MAN2B2: variants seen among roughly 807,000 people sequenced by gnomAD.
MAN2B2 encodes the protein mannosidase alpha class 2B member 2.
MAN2B2 carries 106 observed loss-of-function variants against 117.1 expected under a neutral mutation model. That is an observed-to-expected ratio of 0.90 (90% confidence interval 0.77 to 1.06). The LOEUF (loss-of-function observed/expected upper bound fraction) is 1.06. MAN2B2 is among the 50% of genes least tolerant of loss of function. The pLI is 0.00. For missense variants in MAN2B2, 1,326 were observed against 1,381.4 expected (o/e 0.96, Z 0.64); for synonymous variants, 544 against 595.1 (o/e 0.91, Z 1.25).
rs1297338223 is a variant in MAN2B2 at position 6,575,640 on chromosome 4, C to G, written c.138+292C>G. ...AGTGGTAACCCATTTTCCAGGGAAG[C>G]CTGGAGCAGGAGAGGGTGGGGCTGG... On this transcript the variant is annotated intron_variant, in intron 1 of 18. Coordinates refer to ENST00000285599, the MANE Select transcript of MAN2B2 (RefSeq NM_015274.3). 2.3e-4 allele frequency among the ~76,000 whole-genome samples: 35 copies of G among 152,210 alleles called. 1 individual carries two copies. Among genetic ancestry groups the G allele is most frequent in the Admixed American group, 2.3e-3 (35 of 15,286 alleles).
Position 6,600,756 on chromosome 4 carries a change from G to A in MAN2B2, c.1539G>A (p.Gln513=). ...AGGCGGGCCACCCAGTGCCCTCGCA[G>A]GTATGGACACAAAATCCTGCTGGAG... ...TDEAGHPVPS[Q]IQNSTETPSA... is the part of the protein sequence containing the mutation. The change falls in exon 10 of 19, where the codon CAG becomes CAA. Residue 513 remains glutamine, a splice_region_variant and synonymous_variant. Coordinates refer to ENST00000285599, the MANE Select transcript of MAN2B2 (RefSeq NM_015274.3). 2 of 1,613,250 alleles carry A rather than the reference G, an allele frequency of 1.2e-6. No individual in the cohort carries two copies. Among genetic ancestry groups the A allele is most frequent in the Non-Finnish European group, 8.5e-7 (1 of 1,180,008 alleles).
intron 3 of MAN2B2, among the ~76,000 whole-genome samples, chr4:6,585,503 G>T (rs574079537): frequency 6.6e-6 from 1 of 152,280 alleles, no homozygotes; most frequent in African/African-American, 2.4e-5. Flanking sequence ...CCCAATATCT[G>T]GTTCACTATG....
chr4:6,617,372 C>A lies in MAN2B2; in HGVS notation c.2702-8C>A, dbSNP rs1221060996. 6.2e-7 allele frequency: 1 copy of A among 1,612,798 alleles called. No individual in the cohort carries two copies. On this transcript the variant is annotated splice_region_variant and splice_polypyrimidine_tract_variant and intron_variant, in intron 16 of 18. Transcript: ENST00000285599. ...GTCTTCACTGCCACCTTCCTTCTGT[C>A]CCCAAAGGCCATCGAGGGGAAGCCC... is the stretch of plus-strand genomic sequence containing the variant.
chr4:6,612,392 G>C (rs974690670), intron 15 of MAN2B2, among the ~76,000 whole-genome samples: 18 of 152,208 alleles, frequency 1.2e-4, no homozygotes, highest in African/African-American at 4.1e-4. Context: ...CTGGGAGGAG[G>C]TCAGGGATCA....
Position 6,611,091 on chromosome 4 carries a change from G to A in MAN2B2, c.2376G>A (p.Met792Ile). The change falls in exon 15 of 19, where the codon ATG (methionine) becomes ATA (isoleucine). Residue 792 changes from methionine (M) to isoleucine (I), a missense_variant. Transcript: ENST00000285599. ...CGGACAATGCCTTCCCGCAGGTCAT[G>A]CTCCACCGGCGGCTGTGGAACAACT... ...SSQGNGQVEV[M>I]LHRRLWNNFD... 1.9e-6 allele frequency: 3 copies of A among 1,613,090 alleles called. No individual in the cohort carries two copies. The highest frequency in any genetic ancestry group is 2.2e-5 in the East Asian group (1 of 44,860).
At chr4:6,595,612 G>A (rs1727047904) in intron 7 of MAN2B2, among the ~76,000 whole-genome samples, 2 of 152,214 alleles carry the variant, frequency 1.3e-5, no homozygotes, top group African/African-American at 4.8e-5. Context: ...CCAGTCCCAT[G>A]ACAATGACAT....
chr4:6,602,236 C>A (rs2108748971), intron 10 of MAN2B2, among the ~76,000 whole-genome samples: 1 of 152,350 alleles, frequency 6.6e-6, no homozygotes, highest in African/African-American at 2.4e-5. Context: ...TCATCTGTCG[C>A]AGCCTGCTTG....
At chr4:6,579,720 C>T (rs1236906119) in intron 3 of MAN2B2, among the ~76,000 whole-genome samples, 1 of 152,094 alleles carries the variant, frequency 6.6e-6, no homozygotes, top group African/African-American at 2.4e-5. Flanking sequence ...CCATTACTAC[C>T]ATCCCCTCCA....
intron 5 of MAN2B2, 131 bp from the exon 6 acceptor site, chr4:6,593,042 G>A (rs1044403341): frequency 1.7e-5 from 14 of 831,266 alleles, no homozygotes; most frequent in Non-Finnish European, 2.4e-5. Flanking sequence ...CGGTCATGGA[G>A]TGGGAGAATT....
chr4:6,586,954 G>A (rs774093675), intron 3 of MAN2B2, 42 bp from the exon 4 acceptor site: 14 of 1,580,382 alleles, frequency 8.9e-6, no homozygotes, highest in Non-Finnish European at 1.1e-5. Flanking sequence ...GGAGGCACAG[G>A]CCCGCCCTCC....
intron 12 of MAN2B2, 76 bp from the exon 13 acceptor site, chr4:6,609,722 T>G: frequency 3.8e-6 from 2 of 532,848 alleles, no homozygotes; most frequent in East Asian, 5.0e-5. Flanking sequence ...CCTGCCCACA[T>G]GAAGGAAGGG....
At chr4:6,590,246 G>T (rs1726804653) in intron 5 of MAN2B2, among the ~76,000 whole-genome samples, 1 of 152,010 alleles carries the variant, frequency 6.6e-6, no homozygotes, top group Non-Finnish European at 1.5e-5. Context: ...TTAGCTGGGT[G>T]TTGTGGCGCA....
In MAN2B2 at chr4:6,621,446, A is replaced by G; in HGVS notation, c.*161A>G. On this transcript the variant is annotated 3_prime_UTR_variant, in exon 19 of 19. Transcript: ENST00000285599. ...ATGGTCATATTTGGGGTTTTTCCCT[A>G]ATTTTTTTAAACAAAAATTACATTA... is the stretch of plus-strand genomic sequence containing the variant. The G allele has an allele frequency of 3.4e-6, 2 of 584,440 alleles. No individual in the cohort carries two copies. Among genetic ancestry groups the G allele is most frequent in the Non-Finnish European group, 5.9e-6 (2 of 338,572 alleles). The allele number at this position is 584,440 out of a possible 1,614,324, so 36.2% of individuals were successfully genotyped here.
At chr4:6,621,118 C>A in intron 18 of MAN2B2, 70 bp from the exon 19 acceptor site, 2 of 1,097,758 alleles carry the variant, frequency 1.8e-6, no homozygotes, top group Admixed American at 1.8e-5. Context: ...TAGACAGGTG[C>A]AGGGGGTGAG....
intron 10 of MAN2B2, among the ~76,000 whole-genome samples, chr4:6,602,828 A>G (rs1727383360): frequency 6.6e-6 from 1 of 152,048 alleles, no homozygotes; most frequent in African/African-American, 2.4e-5. Context: ...ACACCACCAT[A>G]CATGGCTAAT....
chr4:6,580,114 A>G (rs11726918), intron 3 of MAN2B2, among the ~76,000 whole-genome samples: 49,217 of 152,050 alleles, frequency 0.32, 9,372 homozygotes, highest in East Asian at 0.6. Context: ...CCCTTTTCTC[A>G]TCTGTAATCT....
chr4:6,600,632 C>T lies in MAN2B2; in HGVS notation c.1415C>T (p.Pro472Leu). ...TCTTCTCTGTGTGCAGATGCAGGAC[C>T]TGCAGGACATTTTGCCTCGGTCTAC... ...APMAASSDAG[P>L]AGHFASVYNP... The change falls in exon 10 of 19, where the codon CCT (proline) becomes CTT (leucine). Residue 472 changes from proline (P) to leucine (L), a missense_variant. Pro to Leu is a moderately conservative substitution (Grantham distance 98). Transcript: ENST00000285599. 3 of 1,613,888 alleles carry T rather than the reference C, an allele frequency of 1.9e-6. No homozygotes were observed. The highest frequency in any genetic ancestry group is 2.5e-6 in the Non-Finnish European group (3 of 1,180,016).
chr4:6,607,263 G>C (rs915483352), intron 11 of MAN2B2, among the ~76,000 whole-genome samples: 5 of 152,150 alleles, frequency 3.3e-5, no homozygotes, highest in African/African-American at 1.2e-4. Context: ...GAGTGCAGTG[G>C]CACAATCATG....
intron 16 of MAN2B2, among the ~76,000 whole-genome samples, chr4:6,614,849 A>G (rs976978775): frequency 2.0e-5 from 3 of 152,228 alleles, no homozygotes; most frequent in African/African-American, 7.2e-5. Flanking sequence ...TGGCTTTCTG[A>G]GCGCTTGGTC....
Sources: allele counts gnomAD v4.1 joint callset (sites outside exome capture counted in the v4.1 genomes callset), GRCh38; gene constraint gnomAD v4.1.1; transcripts MANE v1.5; gene names NCBI Gene and HGNC (gene_info 2026-07-23, HGNC 2026-07-21).